The following RGPD4 variants were observed in gnomAD, a reference collection of about 807,000 sequenced individuals.
RGPD4 encodes the protein ranBP2-like and GRIP domain-containing protein 4.
RGPD4 carries 84 observed loss-of-function variants against 141.1 expected under a neutral mutation model. The observed-to-expected ratio is 0.60, with a 90% CI of 0.50 to 0.71. The LOEUF is 0.71. Among genes scored for constraint, RGPD4 ranks in the 30% least tolerant of loss-of-function variants. The probability of loss-of-function intolerance (pLI) is 0.00; values close to 1 mark genes in which losing one functional copy is unlikely to be tolerated. For synonymous variants in RGPD4, 298 were observed against 566.8 expected (o/e 0.53, Z 6.74); for missense variants, 918 against 1,622.4 (o/e 0.57, Z 7.46).
At chr2:107,834,792 GT>G (rs1238828318) in intron 1 of RGPD4, among the ~76,000 whole-genome samples, 33 of 116,388 alleles carry the variant, frequency 2.8e-4, no homozygotes, top group Non-Finnish European at 5.3e-4. Flanking sequence ...CCATGAAATT[GT>G]GAAGAAAGAA....
Position 107,859,502 on chromosome 2 carries a change from A to T in RGPD4, c.1582A>T (p.Arg528Ter), listed in dbSNP as rs4123306. The change falls in exon 11 of 23, where the codon AGA (arginine) becomes TGA (stop). Residue 528 changes from arginine to a stop codon, truncating the protein, a stop_gained. Transcript: ENST00000408999. LOFTEE classifies it high-confidence loss of function. ...TGTATGTAAACAGCTTTGTACAGAA[A>T]GACAAAAATCTTGGTGGGATGCGGT... ...LPVCKQLCTERQKSWWDAVCT... is the reference protein window; with the variant it reads ...LPVCKQLCTE 3 of 1,593,642 alleles carry T rather than the reference A, an allele frequency of 1.9e-6. No homozygotes were observed. The highest frequency in any genetic ancestry group is 2.6e-6 in the Non-Finnish European group (3 of 1,165,072).
rs182597120 is a variant in RGPD4 at position 107,846,440 on chromosome 2, G to C, written c.783-1901G>C. Among the ~76,000 whole-genome samples, 8 of 151,920 alleles carry C rather than the reference G, an allele frequency of 5.3e-5. 2 individuals carry two copies. Among genetic ancestry groups the C allele is most frequent in the Admixed American group, 6.5e-5 (1 of 15,282 alleles). On this transcript the variant is annotated intron_variant, in intron 6 of 22. Transcript: ENST00000408999. ...ATAAAAAATGTAATCCATTAAAAATGTAATAAGCCCTACTGTGTGTTAATA... is the reference window on the plus strand; with the variant it reads ...ATAAAAAATGTAATCCATTAAAAATCTAATAAGCCCTACTGTGTGTTAATA...
At chr2:107,881,608 G>C (rs3927956) in intron 21 of RGPD4, among the ~76,000 whole-genome samples, 1 of 150,890 alleles carries the variant, frequency 6.6e-6, no homozygotes, top group Non-Finnish European at 1.5e-5. Context: ...GAGCCACCAC[G>C]CCTGGCCAAA....
rs978296929 is a variant in RGPD4, at chr2:107,882,105, T to C, written c.5065-567T>C. The stretch of plus-strand genomic sequence containing the variant: ...CAGTTATTTGCTCCTCATGGAGACG[T>C]TCCATCAGTTCCCCAGCTTTCAACT... On this transcript the variant is annotated intron_variant, in intron 21 of 22. Coordinates refer to ENST00000408999, the MANE Select transcript of RGPD4 (RefSeq NM_182588.3). Among the ~76,000 whole-genome samples the C allele has an allele frequency of 6.6e-5, 10 of 151,906 alleles. 1 individual carries two copies. Among genetic ancestry groups the C allele is most frequent in the African/African-American group, 2.4e-4 (10 of 41,168 alleles).
chr2:107,845,856 G>A (rs1394121262), intron 6 of RGPD4, among the ~76,000 whole-genome samples: 27 of 150,388 alleles, frequency 1.8e-4, no homozygotes, highest in South Asian at 1.3e-3. Context: ...GAGCCACCGC[G>A]CCCAGCCCAC....
chr2:107,870,811 A>G lies in RGPD4; in HGVS notation c.2807A>G (p.Glu936Gly). The change falls in exon 20 of 23, where the codon GAA (glutamate) becomes GGA (glycine). Residue 936 changes from glutamate to glycine, a missense_variant. Physicochemically the swap from Glu to Gly is moderately conservative, Grantham distance 98. Coordinates refer to ENST00000408999, the MANE Select transcript of RGPD4 (RefSeq NM_182588.3). ...GISEPGNQEK[E>G]SEKPLENDTG... is the part of the protein sequence containing the mutation. ...TCGGAACCAGGAAATCAAGAAAAGGAAAGTGAAAAGCCTCTTGAAAATGAT... is the reference window on the plus strand; with the variant it reads ...TCGGAACCAGGAAATCAAGAAAAGGGAAGTGAAAAGCCTCTTGAAAATGAT... 6.2e-7 allele frequency: 1 copy of G among 1,606,194 alleles called. No homozygotes were observed. Among genetic ancestry groups the G allele is most frequent in the Non-Finnish European group, 8.5e-7 (1 of 1,175,852 alleles).
intron 1 of RGPD4, among the ~76,000 whole-genome samples, chr2:107,833,624 A>G (rs941972656): frequency 1.3e-5 from 2 of 150,382 alleles, no homozygotes; most frequent in Admixed American, 6.6e-5. Context: ...ATAATTTGTA[A>G]AGTTGTTTAA....
intron 22 of RGPD4, among the ~76,000 whole-genome samples, chr2:107,889,119 A>G (rs1218439829): frequency 6.6e-6 from 1 of 150,470 alleles, no homozygotes; most frequent in Non-Finnish European, 1.5e-5. Context: ...ACTGTCATAC[A>G]TATATACGTA....
At position 107,871,813 on chromosome 2, in the gene RGPD4, C is replaced by A. The variant is rs185410695; in HGVS notation, c.3809C>A (p.Ala1270Asp). 2.7e-5 allele frequency: 44 copies of A among 1,611,560 alleles called. No individual in the cohort carries two copies. In the Admixed American group the frequency reaches 2.8e-4, roughly 10 times the overall value. Residue 1270 changes from alanine (A) to aspartate (D), a missense_variant, in exon 20 of 23, where the codon GCT (alanine) becomes GAT (aspartate). Ala to Asp is a moderately radical substitution (Grantham distance 126, BLOSUM62 -2). Coordinates refer to ENST00000408999, the MANE Select transcript of RGPD4 (RefSeq NM_182588.3). The part of the protein sequence containing the change: ...DDSVSSSSVH[A>D]SPLASSPVRK... ...AGTGTCAGTAGTAGCTCAGTACATG[C>A]TTCTCCATTGGCAAGTAGCCCTGTG...
In RGPD4 at chr2:107,829,324, CGCTGCTCCCTGGCGCGCTCTGTTG is replaced by C. The variant is rs1400478322; in HGVS notation, c.72+2240_72+2263del. Among the ~76,000 whole-genome samples, 19 of 39,364 alleles carry C rather than the reference CGCTGCTCCCTGGCGCGCTCTGTTG, an allele frequency of 4.8e-4. 8 individuals are homozygous for C. The highest frequency in any genetic ancestry group is 2.0e-3 in the African/African-American group (19 of 9,502). 25.8% of individuals were successfully genotyped at this position (39,364 alleles called of 152,430 possible). A position where few individuals can be genotyped will look rare whatever the true frequency, so the allele number is the denominator to read the frequency against. ...CTCAGGCGTCATGGCTCCCGATGGGCGCTGCTCCCTGGCGCGCTCTGTTGAGGCGGCGGCCTCTACCTGGCCCGG... is the reference window on the plus strand; with the variant it reads ...CTCAGGCGTCATGGCTCCCGATGGGCAGGCGGCGGCCTCTACCTGGCCCGG... On this transcript the variant is annotated intron_variant, in intron 1 of 22. Transcript: ENST00000408999.
chr2:107,872,657 T>C lies in RGPD4; in HGVS notation c.4653T>C (p.Ser1551=). Residue 1551 remains serine, a synonymous_variant, in exon 20 of 23, where the codon AGT becomes AGC. Coordinates refer to ENST00000408999, the MANE Select transcript of RGPD4 (RefSeq NM_182588.3). ...CAGAGTCTGTTAAAAGAATTTTTAG[T>C]AGTGAAAAATCAAAACCATTTGCAT... ...FGSESVKRIF[S]SEKSKPFAFG... The C allele has an allele frequency of 1.2e-6, 2 of 1,610,432 alleles. No individual in the cohort carries two copies. Among genetic ancestry groups the C allele is most frequent in the African/African-American group, 1.4e-5 (1 of 73,964 alleles).
At chr2:107,885,626 A>T (rs2104521074) in intron 22 of RGPD4, among the ~76,000 whole-genome samples, 1 of 152,344 alleles carries the variant, frequency 6.6e-6, no homozygotes, top group Admixed American at 6.5e-5. Flanking sequence ...AAACACATTT[A>T]AATTAGTTTG....
chr2:107,833,159 T>TGGG (rs1681553786), intron 1 of RGPD4, among the ~76,000 whole-genome samples: 1 of 149,788 alleles, frequency 6.7e-6, no homozygotes, highest in African/African-American at 2.5e-5. Flanking sequence ...GAACAGCAGC[T>TGGG]TTTTTGGAGG....
chr2:107,850,690 AGGCTGGAGCACAGT>A (rs1482703778), intron 7 of RGPD4, among the ~76,000 whole-genome samples: 1 of 35,964 alleles, frequency 2.8e-5, no homozygotes, highest in African/African-American at 1.0e-4. Context: ...TCTGTCGCCC[AGGCTGGAGCACAGT>A]GGCACGACCT....
At chr2:107,857,565 T>G (rs1682368352) in intron 9 of RGPD4, among the ~76,000 whole-genome samples, 1 of 151,392 alleles carries the variant, frequency 6.6e-6, no homozygotes, top group Non-Finnish European at 1.5e-5. Flanking sequence ...CCTGAGTAGC[T>G]GGTACCATAG....
At chr2:107,846,117 G>A (rs1242089690) in intron 6 of RGPD4, among the ~76,000 whole-genome samples, 27 of 141,082 alleles carry the variant, frequency 1.9e-4, no homozygotes, top group Admixed American at 1.9e-3. Context: ...TAGTAGAGAT[G>A]GGGTTTCACT....
At chr2:107,831,839 G>A (rs1368460644) in intron 1 of RGPD4, among the ~76,000 whole-genome samples, 4 of 140,736 alleles carry the variant, frequency 2.8e-5, no homozygotes, top group South Asian at 2.4e-4. Context: ...CCAAAGTGCC[G>A]GGATTACAGG....
chr2:107,877,807 G>GA (rs911774481), intron 20 of RGPD4, among the ~76,000 whole-genome samples: 3 of 150,808 alleles, frequency 2.0e-5, no homozygotes, highest in Non-Finnish European at 2.9e-5. Context: ...GATGACTAAG[G>GA]TTTTTTTTGT....
intron 17 of RGPD4, among the ~76,000 whole-genome samples, chr2:107,865,789 G>A (rs1049554082): frequency 6.9e-6 from 1 of 145,896 alleles, no homozygotes; most frequent in Non-Finnish European, 1.5e-5. Flanking sequence ...ATATAATCAG[G>A]TCCGGGCGTG....
Sources: gnomAD v4.1 joint callset for allele counts (sites outside exome capture counted in the v4.1 genomes callset) on GRCh38, gnomAD v4.1.1 for gene constraint, MANE v1.5 for transcripts, NCBI Gene and HGNC (gene_info 2026-07-23, HGNC 2026-07-21) for gene names.